The following KLHL29 variants were observed in gnomAD, a reference collection of about 807,000 sequenced individuals.
The protein encoded by KLHL29 is kelch-like protein 29.
KLHL29 carries 21 observed loss-of-function variants against 80.4 expected under a neutral mutation model. The ratio of observed to expected loss-of-function variants is 0.26; its 90% CI spans 0.19 to 0.38. The LOEUF (loss-of-function observed/expected upper bound fraction) is 0.38. Ranked by LOEUF, KLHL29 falls within the 10% of genes least tolerant of loss-of-function variation. The probability of loss-of-function intolerance (pLI) is 1.00; values close to 1 mark genes in which losing one functional copy is unlikely to be tolerated. For missense variants in KLHL29, 867 were observed against 1,223.9 expected, an observed-to-expected ratio of 0.71 and a Z score of 4.35; for synonymous variants, 511 against 526.8, an observed-to-expected ratio of 0.97 and a Z score of 0.41.
intron 2 of KLHL29, among the ~76,000 whole-genome samples, chr2:23,555,878 C>T (rs1009549353): frequency 6.6e-6 from 1 of 152,184 alleles, no homozygotes; most frequent in African/African-American, 2.4e-5. Flanking sequence ...GGGATTTTCC[C>T]CAGAGCTGGT....
intron 1 of KLHL29, among the ~76,000 whole-genome samples, chr2:23,400,712 C>T (rs1481754044): frequency 2.0e-5 from 3 of 152,108 alleles, no homozygotes; most frequent in Non-Finnish European, 4.4e-5. Context: ...TAGTGGTACA[C>T]GCCTATAGTC....
chr2:23,606,922 G>A (rs1016398205), intron 3 of KLHL29, among the ~76,000 whole-genome samples: 15 of 152,300 alleles, frequency 9.8e-5, no homozygotes, highest in African/African-American at 3.6e-4. Flanking sequence ...AGAAACCCAC[G>A]ATCAAGGCAC....
At chr2:23,703,978 G>C in intron 13 of KLHL29, 115 bp downstream of exon 13, 1 of 1,202,054 alleles carries the variant, frequency 8.3e-7, no homozygotes, top group Non-Finnish European at 1.1e-6. Flanking sequence ...GCCCAGAGCA[G>C]TGGCCCTCCC....
At chr2:23,645,887 C>T (rs987843417) in intron 5 of KLHL29, among the ~76,000 whole-genome samples, 9 of 152,242 alleles carry the variant, frequency 5.9e-5, no homozygotes, top group African/African-American at 1.2e-4. Context: ...GTAGGTCAAG[C>T]GATTGTCTCT....
intron 1 of KLHL29, among the ~76,000 whole-genome samples, chr2:23,404,993 G>A (rs1666690375): frequency 6.6e-6 from 1 of 152,276 alleles, no homozygotes; most frequent in Middle Eastern, 3.4e-3. Context: ...GTCAGCTTGA[G>A]CCAGACTCAG....
Position 23,673,914 on chromosome 2 carries a change from C to T in KLHL29, c.941-10485C>T, listed in dbSNP as rs529527765. 2.0e-5 allele frequency among the ~76,000 whole-genome samples: 3 copies of T among 152,306 alleles called. No individual in the cohort carries two copies. In the East Asian group the frequency reaches 5.8e-4, roughly 29 times the overall value. ...AGATACACATGCATGCACACACACT[C>T]ACAACCATGTGTGCACACAGCACAT... On this transcript the variant is annotated intron_variant, in intron 5 of 13. Coordinates refer to ENST00000486442, the MANE Select transcript of KLHL29 (RefSeq NM_052920.2).
Position 23,562,227 on chromosome 2 carries a change from G to A in KLHL29, c.31G>A (p.Asp11Asn). 6.4e-7 allele frequency: 1 copy of A among 1,550,722 alleles called. No individual in the cohort carries two copies. The highest frequency in any genetic ancestry group is 8.7e-7 in the Non-Finnish European group (1 of 1,146,930). Reference protein sequence around the residue: MSRHHSRFERDYRVGWDRREW... With the variant: MSRHHSRFERNYRVGWDRREW... ...CCGGCACCATAGCCGCTTCGAAAGA[G>A]ATTACCGGGTGGGCTGGGACCGCCG... is the stretch of plus-strand genomic sequence containing the variant. Residue 11 changes from aspartate to asparagine, a missense_variant, in exon 3 of 14, where the codon GAT (aspartate) becomes AAT (asparagine). Transcript: ENST00000486442. This position sits in a 1 kb window ranked among gnomAD's most constrained non-coding sequence, Gnocchi z 4.5.
chr2:23,694,354 C>T (rs1484810842), intron 8 of KLHL29, among the ~76,000 whole-genome samples: 2 of 152,208 alleles, frequency 1.3e-5, no homozygotes, highest in African/African-American at 4.8e-5. Context: ...GGATCGACTT[C>T]CCTCTCCCCA....
At chr2:23,408,318 CATGATAGCCAT>C (rs1334948561) in intron 1 of KLHL29, among the ~76,000 whole-genome samples, 1 of 87,700 alleles carries the variant, frequency 1.1e-5, no homozygotes, top group Non-Finnish European at 2.3e-5. Context: ...TTTTTTTTTA[CATGATAGCCAT>C]ATGAATTCGA....
At chr2:23,445,037 AT>A (rs1270201223) in intron 1 of KLHL29, among the ~76,000 whole-genome samples, 1 of 152,122 alleles carries the variant, frequency 6.6e-6, no homozygotes, top group Non-Finnish European at 1.5e-5. Flanking sequence ...AACAAAACCA[AT>A]TTTTTTCCTC....
chr2:23,457,042 C>G lies in KLHL29; in HGVS notation c.-153-18518C>G, dbSNP rs1331340587. Reference sequence around the variant, plus strand: ...GTGTCAGGGCCGGAGCAGCAGAGGTCGAGGCCTTCCGAGGCCCCTCCCCAG... The same window carrying G: ...GTGTCAGGGCCGGAGCAGCAGAGGTGGAGGCCTTCCGAGGCCCCTCCCCAG... On this transcript the variant is annotated intron_variant, in intron 1 of 13. Coordinates refer to ENST00000486442, the MANE Select transcript of KLHL29 (RefSeq NM_052920.2). This position sits in a 1 kb window ranked among gnomAD's most constrained non-coding sequence, Gnocchi z 4.3. 6.6e-6 allele frequency among the ~76,000 whole-genome samples: 1 copy of G among 152,186 alleles called. No individual in the cohort carries two copies. The highest frequency in any genetic ancestry group is 1.5e-5 in the Non-Finnish European group (1 of 68,034).
chr2:23,582,141 C>G (rs1163882886), intron 3 of KLHL29, among the ~76,000 whole-genome samples: 1 of 152,178 alleles, frequency 6.6e-6, no homozygotes, highest in Non-Finnish European at 1.5e-5. Flanking sequence ...CAATAGTTTT[C>G]TCATCAGGGC....
In KLHL29 at chr2:23,543,867, C is replaced by A. The variant is rs551416466; in HGVS notation, c.-45-18285C>A. Among the ~76,000 whole-genome samples the A allele has an allele frequency of 2.0e-5, 3 of 152,222 alleles. No individual in the cohort carries two copies. The South Asian group carries it at 6.2e-4, about 32-fold the overall frequency. Reference sequence around the variant, plus strand: ...ATGCTGGTGCATTATGAATAGGATGCTTGGGGCTGGGGGAACTGGCAAGCC... The same window carrying A: ...ATGCTGGTGCATTATGAATAGGATGATTGGGGCTGGGGGAACTGGCAAGCC... On this transcript the variant is annotated intron_variant, in intron 2 of 13. Coordinates refer to ENST00000486442, the MANE Select transcript of KLHL29 (RefSeq NM_052920.2).
chr2:23,454,457 A>T (rs1173644446), intron 1 of KLHL29, among the ~76,000 whole-genome samples: 10 of 152,164 alleles, frequency 6.6e-5, no homozygotes, highest in Non-Finnish European at 1.3e-4. Context: ...AGTAGGATGG[A>T]TTTTATTTAA....
intron 2 of KLHL29, among the ~76,000 whole-genome samples, chr2:23,480,147 G>A (rs1474624479): frequency 6.6e-6 from 1 of 152,224 alleles, no homozygotes; most frequent in Admixed American, 6.5e-5. Flanking sequence ...TGCCACCAGG[G>A]CCAGCAGTTC....
At chr2:23,657,286 C>T (rs182925370) in intron 5 of KLHL29, among the ~76,000 whole-genome samples, 76 of 152,292 alleles carry the variant, frequency 5.0e-4, no homozygotes, top group Middle Eastern at 3.4e-3. Context: ...GAAGGCAGTT[C>T]GTGATGTAGC....
intron 2 of KLHL29, among the ~76,000 whole-genome samples, chr2:23,507,805 G>A (rs941535476): frequency 2.6e-5 from 4 of 152,088 alleles, no homozygotes; most frequent in African/African-American, 4.8e-5. Context: ...CCTATGTCTC[G>A]GTTGCCCCAT....
chr2:23,508,971 G>A (rs1665689773), intron 2 of KLHL29, among the ~76,000 whole-genome samples: 3 of 152,140 alleles, frequency 2.0e-5, no homozygotes, highest in Admixed American at 6.5e-5. Context: ...CTGTGCCTCC[G>A]TTCCCTCATC....
intron 2 of KLHL29, among the ~76,000 whole-genome samples, chr2:23,492,922 C>T (rs1665149088): frequency 6.6e-6 from 1 of 152,160 alleles, no homozygotes; most frequent in African/African-American, 2.4e-5. Flanking sequence ...TGTCTGAGCC[C>T]AAAAGCCAGA....
Sources: gnomAD v4.1 joint callset for allele counts (sites outside exome capture counted in the v4.1 genomes callset) on GRCh38, gnomAD v4.1.1 for gene constraint, Gnocchi (gnomAD v3.1) non-coding constraint, MANE v1.5 for transcripts, NCBI Gene and HGNC (gene_info 2026-07-23, HGNC 2026-07-21) for gene names.